The following PCSK1 variants were observed in gnomAD, a reference collection of about 807,000 sequenced individuals.
PCSK1 encodes the protein neuroendocrine convertase 1.
Under a neutral mutation model 90.6 loss-of-function variants are expected in PCSK1, and 56 were observed. The ratio of observed to expected loss-of-function variants is 0.62; its 90% confidence interval spans 0.50 to 0.77. The LOEUF is 0.77. PCSK1 is among the 30% of genes least tolerant of loss of function. The pLI is 0.00. For missense variants in PCSK1, 801 were observed against 932.6 expected (o/e 0.86, Z 1.84); for synonymous variants, 348 against 342.4 (o/e 1.02, Z -0.18).
intron 12 of PCSK1, 147 bp downstream of exon 12, chr5:96,397,189 G>A: frequency 1.4e-6 from 1 of 723,804 alleles, no homozygotes; most frequent in Non-Finnish European, 2.4e-6. Context: ...AAGTGGTCAG[G>A]GCTTGAAACA....
intron 2 of PCSK1, among the ~76,000 whole-genome samples, chr5:96,426,658 A>T (rs1279507655): frequency 6.6e-6 from 1 of 152,158 alleles, no homozygotes; most frequent in Non-Finnish European, 1.5e-5. Context: ...CCTTGTAGTT[A>T]TATTCATTAT....
At chr5:96,425,064 G>T (rs1439768587) in intron 3 of PCSK1, among the ~76,000 whole-genome samples, 1 of 137,560 alleles carries the variant, frequency 7.3e-6, no homozygotes, top group African/African-American at 2.8e-5. Context: ...AAGAAAGAAA[G>T]AAAGAAAGAA....
chr5:96,390,367 C>T lies in PCSK1; in HGVS notation c.*2634G>A, dbSNP rs1050484297. ...GAAACATGAGCTTTTTTTCTTTTGA[C>T]TTAGTGAGAAACAATTTATTTTTCT... On this transcript the variant is annotated 3_prime_UTR_variant, in exon 14 of 14. Transcript: ENST00000311106. 5.9e-5 allele frequency: 9 copies of T among 152,044 alleles called. No homozygotes were observed. Among genetic ancestry groups the T allele is most frequent in the Non-Finnish European group, 1.0e-4 (7 of 67,992 alleles). 9.4% of individuals were successfully genotyped at this position (152,044 alleles called of 1,614,324 possible).
intron 5 of PCSK1, among the ~76,000 whole-genome samples, chr5:96,418,529 A>C (rs1164190628): frequency 6.6e-6 from 1 of 152,146 alleles, no homozygotes; most frequent in African/African-American, 2.4e-5. Context: ...TCCTCTTTTG[A>C]CTTTCAGAGT....
intron 8 of PCSK1, among the ~76,000 whole-genome samples, chr5:96,409,796 A>G (rs756094193): frequency 6.6e-6 from 1 of 152,226 alleles, no homozygotes; most frequent in Non-Finnish European, 1.5e-5. Flanking sequence ...TTACTTGAGT[A>G]GCTGAAGAGA....
Position 96,410,776 on chromosome 5 carries a change from T to C in PCSK1, c.1093A>G (p.Ile365Val). ...AGAATTAGACAAAAGCAACATACGA[T>C]TCTCTGGTCGGTGTAATCTCCGCTG... Reference protein sequence around the residue: ...YSSGDYTDQRITSADLHNDCT... With the variant: ...YSSGDYTDQRVTSADLHNDCT... Residue 365 changes from isoleucine (I) to valine (V), a missense_variant and splice_region_variant, in exon 8 of 14, where the codon ATC (isoleucine) becomes GTC (valine). By Grantham distance (29) the Ile-to-Val change is conservative. Transcript: ENST00000311106. 6.2e-7 allele frequency: 1 copy of C among 1,612,468 alleles called. No individual in the cohort carries two copies. Among genetic ancestry groups the C allele is most frequent in the Non-Finnish European group, 8.5e-7 (1 of 1,178,476 alleles).
intron 11 of PCSK1, 53 bp from the exon 12 acceptor site, chr5:96,397,522 A>G (rs776442670): frequency 1.1e-5 from 17 of 1,482,014 alleles, no homozygotes; most frequent in Admixed American, 1.7e-5. Flanking sequence ...ATAGTAGGAT[A>G]CACTCTAGCA....
At chr5:96,427,067 A>T (rs1761331371) in intron 2 of PCSK1, among the ~76,000 whole-genome samples, 1 of 152,228 alleles carries the variant, frequency 6.6e-6, no homozygotes, top group African/African-American at 2.4e-5. Context: ...GGGAATAAGT[A>T]CTAATCTTTG....
intron 2 of PCSK1, 147 bp from the exon 3 acceptor site, chr5:96,426,077 GAGA>G (rs1298799361): frequency 8.9e-6 from 6 of 676,688 alleles, no homozygotes; most frequent in South Asian, 6.4e-5. Context: ...GCACCTCAGT[GAGA>G]AGAAGGGATT....
intron 1 of PCSK1, among the ~76,000 whole-genome samples, chr5:96,430,978 G>A (rs1229692804): frequency 6.6e-6 from 1 of 152,202 alleles, no homozygotes; most frequent in Non-Finnish European, 1.5e-5. Flanking sequence ...CATGCCTAGA[G>A]CTAACAGGTG....
chr5:96,409,558 A>T lies in PCSK1; in HGVS notation c.1095+1216T>A, dbSNP rs1403563972. On this transcript the variant is annotated intron_variant, in intron 8 of 13. Coordinates refer to ENST00000311106, the MANE Select transcript of PCSK1 (RefSeq NM_000439.5). Reference sequence around the variant, plus strand: ...TAAGGAGGGAGTTTTACAAAGATAGAAAATCTTTCTTCTGCTTCAGTGCAG... The same window carrying T: ...TAAGGAGGGAGTTTTACAAAGATAGTAAATCTTTCTTCTGCTTCAGTGCAG... 2.0e-5 allele frequency among the ~76,000 whole-genome samples: 3 copies of T among 152,226 alleles called. No individual in the cohort carries two copies. The East Asian group carries it at 5.8e-4, about 29-fold the overall frequency.
chr5:96,394,627 T>C (rs1760067036), intron 13 of PCSK1, among the ~76,000 whole-genome samples: 1 of 152,234 alleles, frequency 6.6e-6, no homozygotes, highest in Non-Finnish European at 1.5e-5. Flanking sequence ...AGAAAATTCA[T>C]GTTAGGAAAT....
intron 6 of PCSK1, among the ~76,000 whole-genome samples, chr5:96,413,196 T>A (rs1024169543): frequency 1.2e-4 from 18 of 152,246 alleles, no homozygotes; most frequent in Non-Finnish European, 1.9e-4. Context: ...ATCTCAAGGA[T>A]GAAATCATTG....
intron 9 of PCSK1, among the ~76,000 whole-genome samples, chr5:96,407,486 TTCCTGGAGG>T (rs1366264410): frequency 0.02 from 3,048 of 152,314 alleles, 104 homozygotes; most frequent in African/African-American, 0.07. Context: ...CACACATATA[TTCCTGGAGG>T]GAATATAAAA....
chr5:96,392,968 T>C lies in PCSK1; in HGVS notation c.*33A>G, dbSNP rs759783710. On this transcript the variant is annotated 3_prime_UTR_variant, in exon 14 of 14. Transcript: ENST00000311106. Reference sequence around the variant, plus strand: ...AAAATCGCAGGGTAAGGAAGAAGCATGAATATTTCCAACTTGGGACCACAC... The same window carrying C: ...AAAATCGCAGGGTAAGGAAGAAGCACGAATATTTCCAACTTGGGACCACAC... 10 of 1,611,456 alleles carry C rather than the reference T, an allele frequency of 6.2e-6. No individual in the cohort carries two copies. The highest frequency in any genetic ancestry group is 1.1e-5 in the South Asian group (1 of 90,984).
chr5:96,399,531 C>A (rs1760279520), intron 10 of PCSK1, among the ~76,000 whole-genome samples: 1 of 152,156 alleles, frequency 6.6e-6, no homozygotes, highest in Non-Finnish European at 1.5e-5. Flanking sequence ...ATGAATCACA[C>A]AGCACTGTGG....
chr5:96,403,964 G>A (rs955304097), intron 9 of PCSK1, among the ~76,000 whole-genome samples: 15 of 152,026 alleles, frequency 9.9e-5, no homozygotes, highest in Non-Finnish European at 4.4e-5. Context: ...GGATTCAATG[G>A]TTCACTTCAG....
chr5:96,399,978 C>A lies in PCSK1; in HGVS notation c.1405G>T (p.Val469Leu). Residue 469 changes from valine (V) to leucine (L), a missense_variant, in exon 10 of 14, where the codon GTA (valine) becomes TTA (leucine). Val to Leu is a conservative substitution (Grantham distance 32). Transcript: ENST00000311106. ...RSVPEKKECV[V>L]KDNDFEPRAL... ...CTGGGCTCAAAGTCATTGTCCTTTA[C>A]AACACACTCTTTCTTCTCAGGCACG... 1.2e-6 allele frequency: 2 copies of A among 1,613,798 alleles called. No individual in the cohort carries two copies. The highest frequency in any genetic ancestry group is 1.7e-6 in the Non-Finnish European group (2 of 1,179,694).
intron 2 of PCSK1, among the ~76,000 whole-genome samples, chr5:96,428,088 A>G (rs913034840): frequency 6.6e-6 from 1 of 152,136 alleles, no homozygotes; most frequent in African/African-American, 2.4e-5. Flanking sequence ...ACATTCGAAC[A>G]CTGGTGACCC....
Sources: gnomAD v4.1 joint callset for allele counts (sites outside exome capture counted in the v4.1 genomes callset) on GRCh38, gnomAD v4.1.1 for gene constraint, MANE v1.5 for transcripts, NCBI Gene and HGNC (gene_info 2026-07-23, HGNC 2026-07-21) for gene names.